EXOC4: variants seen among roughly 807,000 people sequenced by gnomAD.
EXOC4 encodes exocyst complex component 4, also known as SEC8-like 1.
In EXOC4, 71 loss-of-function variants were observed where a neutral mutation model predicts 107.2. That is an observed-to-expected ratio of 0.66 (90% CI 0.55 to 0.81). The LOEUF is 0.81. Among genes scored for constraint, EXOC4 ranks in the 30% least tolerant of loss-of-function variants. The pLI is 0.00. For synonymous variants in EXOC4, 456 were observed against 441.2 expected, an observed-to-expected ratio of 1.03 and a Z score of -0.42; for missense variants, 1,108 against 1,189.6, an observed-to-expected ratio of 0.93 and a Z score of 1.01.
chr7:133,948,015 G>C (rs149814276), intron 14 of EXOC4, among the ~76,000 whole-genome samples: 1 of 152,300 alleles, frequency 6.6e-6, no homozygotes, highest in East Asian at 1.9e-4. Flanking sequence ...AGAGAAGATG[G>C]TGGAAATGCA....
intron 14 of EXOC4, 124 bp from the exon 15 acceptor site, chr7:133,997,368 A>C: frequency 1.0e-6 from 1 of 969,080 alleles, no homozygotes; most frequent in South Asian, 1.6e-5. Context: ...TTGGACTTCT[A>C]ATGCTGCCAA....
chr7:133,992,578 T>C (rs768492159), intron 14 of EXOC4, among the ~76,000 whole-genome samples: 2 of 152,004 alleles, frequency 1.3e-5, no homozygotes, highest in Non-Finnish European at 2.9e-5. Context: ...CCACCGCACC[T>C]GGCCTGATTT....
intron 7 of EXOC4, among the ~76,000 whole-genome samples, chr7:133,455,263 C>T (rs1229459782): frequency 6.6e-6 from 1 of 152,076 alleles, no homozygotes; most frequent in East Asian, 1.9e-4. Flanking sequence ...GATTTCATCA[C>T]ATTACTCAGA....
chr7:133,740,771 A>G (rs568177760), intron 10 of EXOC4, among the ~76,000 whole-genome samples: 29 of 152,312 alleles, frequency 1.9e-4, no homozygotes, highest in Middle Eastern at 6.8e-3. Flanking sequence ...TACATATGTC[A>G]TTTAATGTGA....
chr7:133,462,723 C>CA (rs1162292601), intron 7 of EXOC4, among the ~76,000 whole-genome samples: 1 of 151,972 alleles, frequency 6.6e-6, no homozygotes, highest in Non-Finnish European at 1.5e-5. Context: ...TAACATTCCC[C>CA]ATACTTGATA....
chr7:133,319,053 A>T (rs1429676564), intron 5 of EXOC4, among the ~76,000 whole-genome samples: 3 of 152,194 alleles, frequency 2.0e-5, no homozygotes, highest in African/African-American at 2.4e-5. Context: ...CTTTTATGGA[A>T]ATTACCAGTT....
At chr7:133,289,208 A>G (rs1794350092) in intron 3 of EXOC4, 92 bp downstream of exon 3, 3 of 1,073,950 alleles carry the variant, frequency 2.8e-6, no homozygotes, top group Admixed American at 2.4e-5. Context: ...CATGTAGCAC[A>G]TTACAAACTG....
chr7:133,988,583 T>G (rs1296176649), intron 14 of EXOC4, among the ~76,000 whole-genome samples: 1 of 152,132 alleles, frequency 6.6e-6, no homozygotes, highest in African/African-American at 2.4e-5. Flanking sequence ...TACCTTCTAT[T>G]CTAGAATTGA....
chr7:133,997,303 A>T (rs564171491), intron 14 of EXOC4, among the ~76,000 whole-genome samples, 189 bp from the exon 15 acceptor site: 312 of 152,340 alleles, frequency 2.0e-3, no homozygotes, highest in Non-Finnish European at 3.2e-3. Flanking sequence ...AATTGATTCA[A>T]GATAAGCCAC....
intron 9 of EXOC4, among the ~76,000 whole-genome samples, chr7:133,508,953 C>T: frequency 6.6e-6 from 1 of 152,148 alleles, no homozygotes; most frequent in East Asian, 1.9e-4. Flanking sequence ...TCCAGACTTT[C>T]TTTTGATTAT....
At chr7:133,685,502 G>GT (rs1429404840) in intron 10 of EXOC4, among the ~76,000 whole-genome samples, 5 of 152,104 alleles carry the variant, frequency 3.3e-5, no homozygotes, top group Non-Finnish European at 7.3e-5. Flanking sequence ...ATCTTGGGCA[G>GT]TTTTTTATAG....
intron 14 of EXOC4, among the ~76,000 whole-genome samples, chr7:133,980,320 C>T (rs1004991360): frequency 6.6e-6 from 1 of 152,218 alleles, no homozygotes; most frequent in African/African-American, 2.4e-5. Flanking sequence ...CTCACTCTTC[C>T]AGGATCCTCA....
the EXOC4 span, among the ~76,000 whole-genome samples, chr7:134,089,165 A>G: frequency 1.3e-5 from 2 of 152,150 alleles, no homozygotes; most frequent in African/African-American, 2.4e-5. Flanking sequence ...ACTTCAGCCA[A>G]TATGTTCACA....
At chr7:133,496,720 A>G (rs1166624751) in intron 9 of EXOC4, among the ~76,000 whole-genome samples, 1 of 152,120 alleles carries the variant, frequency 6.6e-6, no homozygotes, top group Non-Finnish European at 1.5e-5. Context: ...CACTGGTAGT[A>G]GGCAGAATTC....
chr7:133,720,396 C>A (rs543475765), intron 10 of EXOC4, among the ~76,000 whole-genome samples: 1 of 152,090 alleles, frequency 6.6e-6, no homozygotes, highest in African/African-American at 2.4e-5. Flanking sequence ...TGCGTATAAA[C>A]CTTCATAATT....
At chr7:133,726,242 C>G (rs1795212390) in intron 10 of EXOC4, among the ~76,000 whole-genome samples, 1 of 152,160 alleles carries the variant, frequency 6.6e-6, no homozygotes, top group South Asian at 2.1e-4. Flanking sequence ...TGGTAAAACA[C>G]ATACGGAAAA....
At chr7:133,922,636 A>C (rs1217599589) in intron 13 of EXOC4, among the ~76,000 whole-genome samples, 2 of 152,134 alleles carry the variant, frequency 1.3e-5, no homozygotes, top group Non-Finnish European at 2.9e-5. Context: ...TCACGAGGTC[A>C]GGAGATCGAG....
intron 2 of EXOC4, among the ~76,000 whole-genome samples, chr7:133,279,272 A>T (rs1049165261): frequency 3.9e-5 from 6 of 152,290 alleles, no homozygotes; most frequent in Admixed American, 2.6e-4. Context: ...TAGTGCCGCA[A>T]TAAACATACG....
At chr7:133,533,672 T>TA (rs1217224418) in intron 9 of EXOC4, among the ~76,000 whole-genome samples, 2 of 152,156 alleles carry the variant, frequency 1.3e-5, no homozygotes, top group Admixed American at 1.3e-4. Context: ...TTTAAAAAGC[T>TA]AGGGTAGTGC....
Sources: gnomAD v4.1 joint callset for allele counts (sites outside exome capture counted in the v4.1 genomes callset) on GRCh38, gnomAD v4.1.1 for gene constraint, MANE v1.5 for transcripts, NCBI Gene and HGNC (gene_info 2026-07-23, HGNC 2026-07-21) for gene names.